ARHGAP27: variants seen among roughly 807,000 people sequenced by gnomAD.
ARHGAP27 encodes Rho GTPase activating protein 27, also known as rho GTPase-activating protein 27.
A neutral mutation model predicts 102.0 loss-of-function variants in ARHGAP27; 53 were observed. The ratio of observed to expected loss-of-function variants is 0.52; its 90% confidence interval spans 0.42 to 0.65. ARHGAP27 has a LOEUF of 0.65. Among genes scored for constraint, ARHGAP27 ranks in the 30% least tolerant of loss-of-function variants. The pLI, the probability that ARHGAP27 is intolerant of heterozygous loss-of-function variation, is 0.00. For synonymous variants in ARHGAP27, 525 were observed against 542.8 expected (o/e 0.97, Z 0.46); for missense variants, 1,117 against 1,256.2 (o/e 0.89, Z 1.68).
At chr17:45,420,422 G>A (rs2048916151) in intron 4 of ARHGAP27, among the ~76,000 whole-genome samples, 1 of 152,130 alleles carries the variant, frequency 6.6e-6, no homozygotes, top group African/African-American at 2.4e-5. Flanking sequence ...GAAGAATGAA[G>A]AAAGAATGAA....
chr17:45,413,576 T>C lies in ARHGAP27; in HGVS notation c.658-7493A>G, dbSNP rs2048136615. Among the ~76,000 whole-genome samples the C allele has an allele frequency of 2.6e-5, 4 of 152,142 alleles. No individual in the cohort carries two copies. In the South Asian group the frequency reaches 6.2e-4, roughly 24 times the overall value. On this transcript the variant is annotated intron_variant, in intron 4 of 19. Transcript: ENST00000685559. ...CCTTGGGTTCCCACACCCATGGGGA[T>C]TGGGGGAAAGCAGGCCTGCACTTCT...
At chr17:45,417,728 T>G (rs1387303901) in intron 4 of ARHGAP27, among the ~76,000 whole-genome samples, 1 of 149,202 alleles carries the variant, frequency 6.7e-6, no homozygotes, top group African/African-American at 2.5e-5. Flanking sequence ...CCCTCCAGCC[T>G]GGGTGACAGA....
Position 45,399,897 on chromosome 17 carries a change from C to T in ARHGAP27, c.1744-1850G>A, listed in dbSNP as rs916344838. 5.3e-5 allele frequency among the ~76,000 whole-genome samples: 8 copies of T among 152,206 alleles called. 1 individual carries two copies. In the South Asian group the frequency reaches 1.0e-3, roughly 20 times the overall value. On this transcript the variant is annotated intron_variant, in intron 12 of 19. Transcript: ENST00000685559. ...AATATTCACCCCCAGCCAGGCACAA[C>T]GGCTCATGCCCATAATCCTAGTGCT...
chr17:45,429,143 G>T (rs986588166), intron 4 of ARHGAP27, among the ~76,000 whole-genome samples: 1 of 152,220 alleles, frequency 6.6e-6, no homozygotes, highest in African/African-American at 2.4e-5. Context: ...GGGCAGGCCC[G>T]CAATCCCCCG....
chr17:45,429,634 T>C lies in ARHGAP27; in HGVS notation c.646A>G (p.Ser216Gly). 2 of 1,582,764 alleles carry C rather than the reference T, an allele frequency of 1.3e-6. No homozygotes were observed. Among genetic ancestry groups the C allele is most frequent in the East Asian group, 2.3e-5 (1 of 43,220 alleles). ...GCCCGGGGAGGTACCTGCTCTGCGC[T>C]CTCCTCCGGCGGCGGGACGTGCAAG... The part of the protein sequence containing the change: ...QDLHVPPPEE[S>G]AEQVDDPPEP... The change falls in exon 4 of 20, where the codon AGC (serine) becomes GGC (glycine). Residue 216 changes from serine (S) to glycine (G), a missense_variant. By Grantham distance (56) the Ser-to-Gly change is moderately conservative. Coordinates refer to ENST00000685559, the MANE Select transcript of ARHGAP27 (RefSeq NM_001282290.2).
chr17:45,398,140 A>C, intron 12 of ARHGAP27, 93 bp from the exon 13 acceptor site: 1 of 978,190 alleles, frequency 1.0e-6, no homozygotes, highest in Non-Finnish European at 1.5e-6. Context: ...GATAGAGGTG[A>C]CCTGTCCCTG....
rs548742458 is a variant in ARHGAP27 at position 45,396,660 on chromosome 17, T to G, written c.2074+8A>C. 1 of 1,613,506 alleles carries G rather than the reference T, an allele frequency of 6.2e-7. No individual in the cohort carries two copies. The highest frequency in any genetic ancestry group is 1.3e-5 in the African/African-American group (1 of 75,012). ...CCCGGGTCCCCGCCCCCCGCAGGCCTCGGGTACCTTTGATGTAGCCCTTCT... is the reference window on the plus strand; with the variant it reads ...CCCGGGTCCCCGCCCCCCGCAGGCCGCGGGTACCTTTGATGTAGCCCTTCT... On this transcript the variant is annotated splice_region_variant and intron_variant, in intron 15 of 19. Coordinates refer to ENST00000685559, the MANE Select transcript of ARHGAP27 (RefSeq NM_001282290.2).
intron 4 of ARHGAP27, chr17:45,410,065 A>T: frequency 1.1e-6 from 1 of 876,036 alleles, no homozygotes; most frequent in Non-Finnish European, 1.7e-6. Context: ...CTCTTGCCCC[A>T]AGCTGACCAC....
chr17:45,410,263 G>A, intron 4 of ARHGAP27: 1 of 1,533,304 alleles, frequency 6.5e-7, no homozygotes, highest in Non-Finnish European at 8.7e-7. Context: ...CTGCCTCCTG[G>A]TCACTTTGGC....
chr17:45,395,212 T>A lies in ARHGAP27; in HGVS notation c.*244A>T, dbSNP rs1017252393. 1.8e-6 allele frequency: 1 copy of A among 569,316 alleles called. No individual in the cohort carries two copies. Among genetic ancestry groups the A allele is most frequent in the African/African-American group, 1.9e-5 (1 of 52,496 alleles). 35.3% of individuals were successfully genotyped at this position (569,316 alleles called of 1,614,324 possible). A position where few individuals can be genotyped will look rare whatever the true frequency, so the allele number is the denominator to read the frequency against. On this transcript the variant is annotated 3_prime_UTR_variant, in exon 20 of 20. Coordinates refer to ENST00000685559, the MANE Select transcript of ARHGAP27 (RefSeq NM_001282290.2). ...CGATGCAACAGAGAAAAAACCGAAT[T>A]AACCCCCAAACAGGACGTGACGGGA... is the stretch of plus-strand genomic sequence containing the variant.
chr17:45,399,156 C>T (rs547454039), intron 12 of ARHGAP27, among the ~76,000 whole-genome samples: 2 of 152,358 alleles, frequency 1.3e-5, no homozygotes, highest in African/African-American at 4.8e-5. Context: ...CAACAGCTCA[C>T]ACCAACCCTG....
In ARHGAP27 at chr17:45,429,927, C is replaced by T. The variant is rs1415563935; in HGVS notation, c.353G>A (p.Ser118Asn). ...GCGTTGCGCAGGGCCGCACAGGGAG[C>T]TGGCTCGGCCTCCGGACTCCTCGGG... is the stretch of plus-strand genomic sequence containing the variant. ...GAPEESGGRA[S>N]SLCGPAQRGA... The change falls in exon 4 of 20, where the codon AGC (serine) becomes AAC (asparagine). Residue 118 changes from serine (S) to asparagine (N), a missense_variant. By Grantham distance (46) the Ser-to-Asn change is conservative. Around this residue, in one of 3 missense-constraint regions of ARHGAP27, gnomAD observed 610 missense variants for 716.4 expected, o/e 0.85. Transcript: ENST00000685559. 1 of 1,136,848 alleles carries T rather than the reference C, an allele frequency of 8.8e-7. No individual in the cohort carries two copies. The allele number at this position is 1,136,848 out of a possible 1,614,324, so 70.4% of individuals were successfully genotyped here.
Position 45,430,210 on chromosome 17 carries a change from C to G in ARHGAP27, c.70G>C (p.Gly24Arg). Residue 24 changes from glycine to arginine, a missense_variant, in exon 4 of 20, where the codon GGG becomes CGG. Gly to Arg is a moderately radical substitution (Grantham distance 125). Coordinates refer to ENST00000685559, the MANE Select transcript of ARHGAP27 (RefSeq NM_001282290.2). This position sits in a 1 kb window ranked among gnomAD's most constrained non-coding sequence, Gnocchi z 4.4. ...EHPFEYTGKD[G>R]RRVAIRPNER... is the part of the protein sequence containing the mutation. ...TTCGGCCGGATGGCCACGCGGCGCC[C>G]GTCCTTGCCGGTGTACTCGAAGGGG... is the stretch of plus-strand genomic sequence containing the variant. 1.9e-6 allele frequency: 3 copies of G among 1,560,044 alleles called. No homozygotes were observed. Among genetic ancestry groups the G allele is most frequent in the South Asian group, 1.2e-5 (1 of 86,142 alleles).
chr17:45,422,929 C>T (rs1055222570), intron 4 of ARHGAP27, among the ~76,000 whole-genome samples: 10 of 152,082 alleles, frequency 6.6e-5, no homozygotes, highest in African/African-American at 1.9e-4. Flanking sequence ...ACCTGTAATC[C>T]CAGCACTTTG....
chr17:45,404,686 G>A lies in ARHGAP27; in HGVS notation c.1249-5C>T, dbSNP rs1197873827. The A allele has an allele frequency of 4.4e-6, 7 of 1,608,660 alleles. No homozygotes were observed. Among genetic ancestry groups the A allele is most frequent in the South Asian group, 1.1e-5 (1 of 90,696 alleles). On this transcript the variant is annotated splice_region_variant and splice_polypyrimidine_tract_variant and intron_variant, in intron 6 of 19. Transcript: ENST00000685559. ...GGGGTCCTCCAGCCTCACCCACTGTGGGGAGAGGAATGGTCAGGGCCTCCA... is the reference window on the plus strand; with the variant it reads ...GGGGTCCTCCAGCCTCACCCACTGTAGGGAGAGGAATGGTCAGGGCCTCCA...
Position 45,430,288 on chromosome 17 carries a change from C to T in ARHGAP27, c.-9G>A. 1 of 1,562,222 alleles carries T rather than the reference C, an allele frequency of 6.4e-7. No individual in the cohort carries two copies. The highest frequency in any genetic ancestry group is 8.6e-7 in the Non-Finnish European group (1 of 1,162,452). ...ACCACGTCCGCCGCCATCGCAGCCG[C>T]GGCGTTTTCCTGCGGGCAACAAGAA... On this transcript the variant is annotated 5_prime_UTR_variant, in exon 4 of 20. Transcript: ENST00000685559. This position sits in a 1 kb window ranked among gnomAD's most constrained non-coding sequence, Gnocchi z 4.4.
intron 4 of ARHGAP27, among the ~76,000 whole-genome samples, chr17:45,411,786 G>A (rs894091159): frequency 8.1e-5 from 12 of 148,192 alleles, no homozygotes; most frequent in Non-Finnish European, 1.5e-4. Flanking sequence ...TGAGGCCAGG[G>A]ATGAGGACTC....
intron 12 of ARHGAP27, 85 bp from the exon 13 acceptor site, chr17:45,398,132 T>G: frequency 8.9e-7 from 1 of 1,124,262 alleles, no homozygotes; most frequent in Non-Finnish European, 1.3e-6. Context: ...GGTACAGAGA[T>G]AGAGGTGACC....
intron 12 of ARHGAP27, among the ~76,000 whole-genome samples, chr17:45,399,178 C>T (rs988935892): frequency 6.6e-6 from 1 of 152,184 alleles, no homozygotes; most frequent in Non-Finnish European, 1.5e-5. Context: ...CCTTTTGGTT[C>T]AGCGAGAGTC....
Sources: gnomAD v4.1 joint callset for allele counts (sites outside exome capture counted in the v4.1 genomes callset) on GRCh38, gnomAD v4.1.1 for gene constraint, gnomAD v4.1.1 regional missense constraint, Gnocchi (gnomAD v3.1) non-coding constraint, MANE v1.5 for transcripts, NCBI Gene and HGNC (gene_info 2026-07-23, HGNC 2026-07-21) for gene names.